The following THRA variants were observed in gnomAD, a reference collection of about 807,000 sequenced individuals.
THRA encodes the protein thyroid hormone receptor alpha, also known as EAR-7.
A neutral mutation model predicts 45.0 loss-of-function variants in THRA; 13 were observed. The ratio of observed to expected loss-of-function variants is 0.29; its 90% CI spans 0.19 to 0.46. THRA has a LOEUF of 0.46. THRA is among the 20% of genes least tolerant of loss of function. The pLI is 1.00. For missense variants in THRA, 278 were observed against 556.1 expected, an observed-to-expected ratio of 0.50 and a Z score of 5.03; for synonymous variants, 195 against 214.0, an observed-to-expected ratio of 0.91 and a Z score of 0.78.
chr17:40,067,823 G>T (rs1345860775), intron 1 of THRA, among the ~76,000 whole-genome samples: 1 of 152,186 alleles, frequency 6.6e-6, no homozygotes, highest in Non-Finnish European at 1.5e-5. Context: ...TTCATGATCA[G>T]CCTGGTCAAC....
rs1987639399 is a variant in THRA, at chr17:40,092,939, G to A, written c.*3483G>A. 3.3e-6 allele frequency: 5 copies of A among 1,532,246 alleles called. No individual in the cohort carries two copies. The highest frequency in any genetic ancestry group is 4.4e-6 in the Non-Finnish European group (5 of 1,138,818). The allele number at this position is 1,532,246 out of a possible 1,614,324, so 94.9% of individuals were successfully genotyped here. A position where few individuals can be genotyped will look rare whatever the true frequency, so the allele number is the denominator to read the frequency against. On this transcript the variant is annotated 3_prime_UTR_variant, in exon 9 of 9. Coordinates refer to ENST00000450525, the MANE Select transcript of THRA (RefSeq NM_199334.5). ...AGGCAGGTATTTACAAGAAGGCTCA[G>A]GGGGCCAGAGGCTCATCTTGGAATA...
intron 1 of THRA, among the ~76,000 whole-genome samples, chr17:40,067,644 G>A (rs1241675737): frequency 1.3e-5 from 2 of 152,190 alleles, no homozygotes; most frequent in Non-Finnish European, 2.9e-5. Context: ...ATTTAGCCCT[G>A]CCCCTCAAGG....
intron 2 of THRA, among the ~76,000 whole-genome samples, chr17:40,076,226 G>C (rs919731845): frequency 6.6e-6 from 1 of 152,214 alleles, no homozygotes; most frequent in African/African-American, 2.4e-5. Context: ...GCTGTGCAGA[G>C]GGTGTAGTGT....
At position 40,089,525 on chromosome 17, in the gene THRA, G is replaced by A; in HGVS notation, c.*69G>A. ...CCTGGAGAGAAGGGGCAGAGCTGGGGGCTGAGGGAGACCCCCCCACACCCC... is the reference window on the plus strand; with the variant it reads ...CCTGGAGAGAAGGGGCAGAGCTGGGAGCTGAGGGAGACCCCCCCACACCCC... On this transcript the variant is annotated 3_prime_UTR_variant, in exon 9 of 9. Transcript: ENST00000450525. The surrounding 1 kb of genome is among the most constrained non-coding windows in gnomAD (Gnocchi z 6.1). 6.4e-7 allele frequency: 1 copy of A among 1,559,534 alleles called. No homozygotes were observed. Among genetic ancestry groups the A allele is most frequent in the Non-Finnish European group, 8.7e-7 (1 of 1,154,496 alleles).
In THRA at chr17:40,092,350, A is replaced by C; in HGVS notation, c.*2894A>C. 1 of 141,160 alleles carries C rather than the reference A, an allele frequency of 7.1e-6. No homozygotes were observed. 8.7% of individuals were successfully genotyped at this position (141,160 alleles called of 1,614,324 possible). A position where few individuals can be genotyped will look rare whatever the true frequency, so the allele number is the denominator to read the frequency against. ...GAGGGGGACACTGCCCAGAGGCGCT[A>C]CTGAATGTATGAGAAGCTGGTGCTG... is the stretch of plus-strand genomic sequence containing the variant. On this transcript the variant is annotated 3_prime_UTR_variant, in exon 9 of 9. Transcript: ENST00000450525.
intron 4 of THRA, 89 bp downstream of exon 4, chr17:40,077,697 C>T: frequency 7.4e-6 from 6 of 814,534 alleles, no homozygotes; most frequent in Non-Finnish European, 9.3e-6. Flanking sequence ...TAGGTCATCA[C>T]TTTTTTTTTT....
chr17:40,083,990 G>A lies in THRA; in HGVS notation c.370+8G>A, dbSNP rs1194645439. ...TGGGCATGGCCATGGACTGTAAGGG[G>A]CCCAGGTGGAGGGAATAGAGCCAGG... On this transcript the variant is annotated splice_region_variant and intron_variant, in intron 5 of 8. Coordinates refer to ENST00000450525, the MANE Select transcript of THRA (RefSeq NM_199334.5). 4 of 1,606,802 alleles carry A rather than the reference G, an allele frequency of 2.5e-6. No homozygotes were observed. Among genetic ancestry groups the A allele is most frequent in the Middle Eastern group, 1.7e-4 (1 of 6,046 alleles).
chr17:40,086,663 G>GA (rs1454986302), intron 6 of THRA, 44 bp from the exon 7 acceptor site: 2 of 1,601,008 alleles, frequency 1.2e-6, no homozygotes, highest in Non-Finnish European at 1.7e-6. Flanking sequence ...GTGAGAGGCT[G>GA]AAAGGGGTCT....
intron 2 of THRA, among the ~76,000 whole-genome samples, 198 bp from the exon 3 acceptor site, chr17:40,076,673 G>GC (rs917713045): frequency 2.0e-5 from 3 of 152,166 alleles, no homozygotes; most frequent in African/African-American, 7.2e-5. Context: ...CCACAGCCAA[G>GC]CCCCTTATCT....
At chr17:40,065,545 G>A (rs891202345) in intron 1 of THRA, among the ~76,000 whole-genome samples, 2 of 151,932 alleles carry the variant, frequency 1.3e-5, no homozygotes, top group African/African-American at 4.8e-5. Flanking sequence ...TGCTACCCCC[G>A]ATCTACCCCT....
chr17:40,085,561 T>TGA (rs1987292701), intron 6 of THRA, among the ~76,000 whole-genome samples: 1 of 151,988 alleles, frequency 6.6e-6, no homozygotes, highest in South Asian at 2.1e-4. Context: ...CTCGAACTCC[T>TGA]GACCTCAAGT....
At position 40,079,151 on chromosome 17, in the gene THRA, G is replaced by C. The variant is rs183965850; in HGVS notation, c.222+1543G>C. Among the ~76,000 whole-genome samples, 20 of 152,316 alleles carry C rather than the reference G, an allele frequency of 1.3e-4. No homozygotes were observed. The East Asian group carries it at 3.1e-3, about 23-fold the overall frequency. ...TGAAAGAGCGAGAGCCAGTACTGGG[G>C]GGGTAGTGGGAGCTGGGAGCACAGA... is the stretch of plus-strand genomic sequence containing the variant. On this transcript the variant is annotated intron_variant, in intron 4 of 8. Transcript: ENST00000450525.
chr17:40,070,676 G>T (rs1221354337), intron 1 of THRA, among the ~76,000 whole-genome samples: 1 of 152,024 alleles, frequency 6.6e-6, no homozygotes, highest in Non-Finnish European at 1.5e-5. Context: ...AGTGGGTGGT[G>T]GGGGAGGGAT....
intron 8 of THRA, among the ~76,000 whole-genome samples, chr17:40,088,723 C>CT (rs2145085759): frequency 6.6e-6 from 1 of 152,086 alleles, no homozygotes; most frequent in South Asian, 2.1e-4. Flanking sequence ...CTTTTCCTGT[C>CT]TTTGTCTCCT....
chr17:40,075,652 ACCCCTCCCCCATCACCTT>A (rs1986926983), intron 2 of THRA, among the ~76,000 whole-genome samples: 1 of 151,876 alleles, frequency 6.6e-6, no homozygotes, highest in African/African-American at 2.4e-5. Context: ...TAAGACTGCA[ACCCCTCCCCCATCACCTT>A]CCCCTCCCCC....
intron 5 of THRA, 22 bp from the exon 6 acceptor site, chr17:40,084,588 C>A: frequency 6.2e-7 from 1 of 1,612,926 alleles, no homozygotes; most frequent in Non-Finnish European, 8.5e-7. Context: ...ATGCGTTAGA[C>A]CTTGTGCCTC....
At chr17:40,083,532 C>T (rs958959822) in intron 4 of THRA, among the ~76,000 whole-genome samples, 2 of 152,220 alleles carry the variant, frequency 1.3e-5, no homozygotes, top group African/African-American at 4.8e-5. Context: ...TCCAAAGCTG[C>T]TATTCCTTAA....
Position 40,084,769 on chromosome 17 carries a change from G to C in THRA, c.530G>C (p.Ser177Thr). 1 of 1,614,088 alleles carries C rather than the reference G, an allele frequency of 6.2e-7. No individual in the cohort carries two copies. Among genetic ancestry groups the C allele is most frequent in the African/African-American group, 1.3e-5 (1 of 75,034 alleles). Residue 177 changes from serine (S) to threonine (T), a missense_variant, in exon 6 of 9, where the codon AGC becomes ACC. By Grantham distance (58) the Ser-to-Thr change is moderately conservative. Around this residue, in one of 6 missense-constraint regions of THRA, gnomAD observed 111 missense variants for 167.1 expected, o/e 0.66. Transcript: ENST00000450525. ...LIHIATEAHRSTNAQGSHWKQ... is the reference protein window; with the variant it reads ...LIHIATEAHRTTNAQGSHWKQ... Reference sequence around the variant, plus strand: ...CACATTGCCACAGAGGCCCATCGCAGCACCAATGCCCAGGGCAGCCATTGG... The same window carrying C: ...CACATTGCCACAGAGGCCCATCGCACCACCAATGCCCAGGGCAGCCATTGG...
chr17:40,081,856 GGGA>G (rs1987147852), intron 4 of THRA, among the ~76,000 whole-genome samples: 1 of 151,876 alleles, frequency 6.6e-6, no homozygotes, highest in Non-Finnish European at 1.5e-5. Flanking sequence ...CCAGCTACTC[GGGA>G]GGCTGAGGCA....
Sources: allele counts gnomAD v4.1 joint callset (sites outside exome capture counted in the v4.1 genomes callset), GRCh38; gene constraint gnomAD v4.1.1; regional missense constraint gnomAD v4.1.1; non-coding constraint Gnocchi (gnomAD v3.1); transcripts MANE v1.5; gene names NCBI Gene and HGNC (gene_info 2026-07-23, HGNC 2026-07-21).